Variants in PRKRIP1 observed in about 807,000 individuals in gnomAD.
PRKRIP1 encodes the protein PRKR-interacting protein 1.
In PRKRIP1, 29 loss-of-function variants were observed where a neutral mutation model predicts 29.3. The observed-to-expected ratio is 0.99, with a 90% CI of 0.74 to 1.35. The LOEUF is 1.35. PRKRIP1 is among the 40% of genes most tolerant of loss of function. The probability of loss-of-function intolerance (pLI) is 0.00; values close to 1 mark genes in which losing one functional copy is unlikely to be tolerated. For missense variants in PRKRIP1, 247 were observed against 236.8 expected (o/e 1.04, Z -0.28); for synonymous variants, 90 against 85.1 (o/e 1.06, Z -0.32).
chr7:102,402,021 C>G (rs187193198), intron 3 of PRKRIP1, among the ~76,000 whole-genome samples: 1,600 of 152,238 alleles, frequency 0.011, 17 homozygotes, highest in Non-Finnish European at 0.018. Flanking sequence ...GTTGGTGGTT[C>G]TTCTTGTTTC....
chr7:102,419,845 TTGTGTGTGTGTG>T (rs56752508), intron 5 of PRKRIP1, among the ~76,000 whole-genome samples: 17,132 of 142,702 alleles, frequency 0.12, 1,143 homozygotes, highest in Middle Eastern at 0.2. Context: ...TTTTGTGTTT[TTGTGTGTGTGTG>T]TGTGTGTGTG....
chr7:102,397,737 T>TAA (rs1795951663), intron 2 of PRKRIP1, 39 bp downstream of exon 2: 2 of 1,537,920 alleles, frequency 1.3e-6, no homozygotes, highest in Non-Finnish European at 1.8e-6. Context: ...TGTGTGTGTG[T>TAA]AAATATAATT....
chr7:102,401,882 G>C (rs987352178), intron 3 of PRKRIP1, among the ~76,000 whole-genome samples: 1 of 152,142 alleles, frequency 6.6e-6, no homozygotes, highest in Non-Finnish European at 1.5e-5. Flanking sequence ...CAGCCTGGGC[G>C]ACAGAGTGAG....
intron 5 of PRKRIP1, among the ~76,000 whole-genome samples, 153 bp downstream of exon 5, chr7:102,407,651 A>C (rs1480631571): frequency 6.6e-6 from 1 of 152,206 alleles, no homozygotes; most frequent in Non-Finnish European, 1.5e-5. Flanking sequence ...GACCCATTGA[A>C]TTGCAAGTAT....
chr7:102,422,188 T>TATTATTATC (rs1461283190), intron 5 of PRKRIP1, among the ~76,000 whole-genome samples: 8 of 147,396 alleles, frequency 5.4e-5, no homozygotes, highest in East Asian at 2.0e-4. Context: ...TGATTATTAT[T>TATTATTATC]ATCAGAGACG....
chr7:102,416,546 A>C (rs144928298), intron 5 of PRKRIP1, among the ~76,000 whole-genome samples: 24 of 152,184 alleles, frequency 1.6e-4, no homozygotes, highest in Admixed American at 5.9e-4. Context: ...AATGGCCCTC[A>C]GTTGGGATTG....
At chr7:102,401,882 G>A (rs987352178) in intron 3 of PRKRIP1, among the ~76,000 whole-genome samples, 4 of 152,142 alleles carry the variant, frequency 2.6e-5, no homozygotes, top group African/African-American at 4.8e-5. Context: ...CAGCCTGGGC[G>A]ACAGAGTGAG....
At chr7:102,405,115 C>T (rs1796179777) in intron 4 of PRKRIP1, among the ~76,000 whole-genome samples, 1 of 152,012 alleles carries the variant, frequency 6.6e-6, no homozygotes, top group South Asian at 2.1e-4. Context: ...TTAGTAGAGA[C>T]GAGGTTTCAC....
In PRKRIP1 at chr7:102,399,655, G is replaced by A; in HGVS notation, c.306+7G>A. On this transcript the variant is annotated splice_region_variant and intron_variant, in intron 3 of 5. Transcript: ENST00000397912. The stretch of plus-strand genomic sequence containing the variant: ...GGATGCCATGGCTGAGAAGGTCAGT[G>A]AGCCAGAAGGCTGGCTGAGCCCCCA... The A allele has an allele frequency of 1.9e-6, 3 of 1,600,652 alleles. No homozygotes were observed. Among genetic ancestry groups the A allele is most frequent in the South Asian group, 2.2e-5 (2 of 90,832 alleles).
In PRKRIP1 at chr7:102,425,497, G is replaced by T. The variant is rs1796808705; in HGVS notation, c.*386G>T. The T allele has an allele frequency of 1.0e-5, 3 of 301,388 alleles. No individual in the cohort carries two copies. Among genetic ancestry groups the T allele is most frequent in the Admixed American group, 1.0e-4 (2 of 19,204 alleles). The allele number at this position is 301,388 out of a possible 1,614,324, so 18.7% of individuals were successfully genotyped here. A position where few individuals can be genotyped will look rare whatever the true frequency, so the allele number is the denominator to read the frequency against. Reference sequence around the variant, plus strand: ...CGTGAGTCGCAAACACTCTGGAGAAGGCTGAGATGCCACCATTCCCACGGG... The same window carrying T: ...CGTGAGTCGCAAACACTCTGGAGAATGCTGAGATGCCACCATTCCCACGGG... On this transcript the variant is annotated 3_prime_UTR_variant, in exon 6 of 6. Coordinates refer to ENST00000397912, the MANE Select transcript of PRKRIP1 (RefSeq NM_024653.4).
At chr7:102,418,437 C>T (rs1307213444) in intron 5 of PRKRIP1, among the ~76,000 whole-genome samples, 1 of 152,118 alleles carries the variant, frequency 6.6e-6, no homozygotes, top group Non-Finnish European at 1.5e-5. Flanking sequence ...TGGATGGTTG[C>T]TTTTAGGCTC....
At chr7:102,404,302 GCGCTGCCCTCAGAGTGTC>G in intron 3 of PRKRIP1, 1 of 258,982 alleles carries the variant, frequency 3.9e-6, no homozygotes, top group Non-Finnish European at 7.5e-6. Context: ...CAGATGGTGA[GCGCTGCCCTCAGAGTGTC>G]CTCTGCACTC....
intron 4 of PRKRIP1, among the ~76,000 whole-genome samples, chr7:102,406,947 G>A (rs562034059): frequency 9.2e-5 from 14 of 152,002 alleles, no homozygotes; most frequent in Non-Finnish European, 1.8e-4. Context: ...CGGGCGTGGT[G>A]GCTCACACCC....
intron 5 of PRKRIP1, among the ~76,000 whole-genome samples, chr7:102,422,832 A>G: frequency 6.6e-6 from 1 of 152,198 alleles, no homozygotes; most frequent in East Asian, 1.9e-4. Context: ...TGGGGTATAT[A>G]TGAAACATAA....
intron 5 of PRKRIP1, among the ~76,000 whole-genome samples, chr7:102,423,813 A>G (rs1586699039): frequency 6.6e-6 from 1 of 152,082 alleles, no homozygotes; most frequent in Admixed American, 6.5e-5. Flanking sequence ...AGTAGCGAGG[A>G]CTATAGGCAT....
intron 5 of PRKRIP1, among the ~76,000 whole-genome samples, chr7:102,414,182 CGCCACTGCACTCCAGCCTGGGTGGCTG>C (rs1390316633): frequency 2.0e-5 from 3 of 151,804 alleles, no homozygotes; most frequent in African/African-American, 7.3e-5. Context: ...AGCGAAGATG[CGCCACTGCACTCCAGCCTGGGTGGCTG>C]AGTGAGATTC....
rs781964538 is a variant in PRKRIP1 at position 102,425,082 on chromosome 7, G to A, written c.526G>A (p.Glu176Lys). 5.0e-6 allele frequency: 8 copies of A among 1,613,278 alleles called. No homozygotes were observed. The Admixed American group carries it at 6.7e-5, about 13-fold the overall frequency. The change falls in exon 6 of 6, where the codon GAA becomes AAA. Residue 176 changes from glutamate to lysine, a missense_variant. Coordinates refer to ENST00000397912, the MANE Select transcript of PRKRIP1 (RefSeq NM_024653.4). ...AEASGTEEEEEVPSFTMGR is the reference protein window; with the variant it reads ...AEASGTEEEEKVPSFTMGR ...GGCATCTGGAACAGAGGAGGAGGAG[G>A]AAGTGCCCAGTTTCACCATGGGGCG...
intron 3 of PRKRIP1, among the ~76,000 whole-genome samples, chr7:102,400,461 T>C (rs1796035728): frequency 6.6e-6 from 1 of 152,188 alleles, no homozygotes; most frequent in Non-Finnish European, 1.5e-5. Flanking sequence ...AGAGACCATA[T>C]TGTGTAATTT....
At chr7:102,410,117 A>G (rs7782364) in intron 5 of PRKRIP1, among the ~76,000 whole-genome samples, 1 of 151,282 alleles carries the variant, frequency 6.6e-6, no homozygotes, top group African/African-American at 2.4e-5. Context: ...TGTGCCTCCA[A>G]CCCCCTGGCA....
Sources: allele counts gnomAD v4.1 joint callset (sites outside exome capture counted in the v4.1 genomes callset), GRCh38; gene constraint gnomAD v4.1.1; transcripts MANE v1.5; gene names NCBI Gene and HGNC (gene_info 2026-07-23, HGNC 2026-07-21).